The following CLNK variants were observed in gnomAD, a reference collection of about 807,000 sequenced individuals.
CLNK encodes the protein cytokine-dependent hematopoietic cell linker.
A neutral mutation model predicts 68.6 loss-of-function variants in CLNK; 74 were observed. The ratio of observed to expected loss-of-function variants is 1.08; its 90% CI spans 0.89 to 1.31. The LOEUF (loss-of-function observed/expected upper bound fraction) is 1.31. CLNK is among the 50% of genes most tolerant of loss of function. The pLI, the probability that CLNK is intolerant of heterozygous loss-of-function variation, is 0.00. For missense variants in CLNK, 553 were observed against 515.3 expected, an observed-to-expected ratio of 1.07 and a Z score of -0.71; for synonymous variants, 198 against 172.2, an observed-to-expected ratio of 1.15 and a Z score of -1.17.
At chr4:10,580,920 T>C (rs928441662) in intron 4 of CLNK, among the ~76,000 whole-genome samples, 1 of 152,198 alleles carries the variant, frequency 6.6e-6, no homozygotes, top group African/African-American at 2.4e-5. Flanking sequence ...ACGGTGATGA[T>C]CAAGCCTTCG....
chr4:10,590,994 G>C (rs376591470), intron 3 of CLNK, among the ~76,000 whole-genome samples: 1 of 152,306 alleles, frequency 6.6e-6, no homozygotes, highest in African/African-American at 2.4e-5. Context: ...CCTCTTGGGA[G>C]TGCCACCGAG....
At chr4:10,714,326 TA>T in the CLNK span, among the ~76,000 whole-genome samples, 2 of 152,220 alleles carry the variant, frequency 1.3e-5, no homozygotes, top group Non-Finnish European at 2.9e-5. Flanking sequence ...GGGAAATAAC[TA>T]CCCTCCATGA....
intron 4 of CLNK, among the ~76,000 whole-genome samples, chr4:10,578,821 C>T (rs1330433966): frequency 2.0e-5 from 3 of 152,194 alleles, no homozygotes; most frequent in South Asian, 4.2e-4. Context: ...ATCCACCTGC[C>T]TCAGCCTCCC....
chr4:10,564,705 TG>T lies in CLNK; in HGVS notation c.364del (p.Gln122SerfsTer32). The T allele has an allele frequency of 6.2e-7, 1 of 1,613,666 alleles. No individual in the cohort carries two copies. On this transcript the variant is annotated frameshift_variant, in exon 7 of 19. Transcript: ENST00000226951. LOFTEE classifies it high-confidence loss of function. The stretch of plus-strand genomic sequence containing the variant: ...CCTCGTCTGTGTGTTCCAGGTCGGC[TG>T]TCCAATGGAGATAGAGGTCCTGGTG... ...LDTRTSISIGQPTWNTQTRLE... is the reference protein window; with the variant it reads ...LDTRTSISIGXPTWNTQTRLE...
At chr4:10,621,317 T>C in intron 2 of CLNK, among the ~76,000 whole-genome samples, 1 of 152,302 alleles carries the variant, frequency 6.6e-6, no homozygotes, top group East Asian at 1.9e-4. Flanking sequence ...TGTATTTTAT[T>C]TGTCTTCTAA....
At chr4:10,627,323 C>A (rs1703786893) in intron 2 of CLNK, among the ~76,000 whole-genome samples, 1 of 152,170 alleles carries the variant, frequency 6.6e-6, no homozygotes, top group African/African-American at 2.4e-5. Context: ...TGCACCAGGA[C>A]TTTAGAGCCT....
At chr4:10,609,025 G>C (rs1721901736) in intron 2 of CLNK, among the ~76,000 whole-genome samples, 1 of 152,196 alleles carries the variant, frequency 6.6e-6, no homozygotes, top group African/African-American at 2.4e-5. Context: ...ATCATTGGTA[G>C]TTGGAATTTT....
At chr4:10,682,639 G>A (rs925016770) in intron 1 of CLNK, among the ~76,000 whole-genome samples, 2 of 152,062 alleles carry the variant, frequency 1.3e-5, no homozygotes, top group South Asian at 2.1e-4. Flanking sequence ...ACCTAAAGAC[G>A]AACAGTAAAG....
chr4:10,501,259 A>G lies in CLNK; in HGVS notation c.1137T>C (p.Asp379=). 6.4e-7 allele frequency: 1 copy of G among 1,570,262 alleles called. No homozygotes were observed. The highest frequency in any genetic ancestry group is 8.6e-7 in the Non-Finnish European group (1 of 1,166,040). Residue 379 remains aspartate (D), a synonymous_variant, in exon 18 of 19, where the codon GAT becomes GAC. Coordinates refer to ENST00000226951, the MANE Select transcript of CLNK (RefSeq NM_052964.4). ...GAGGCTGTTAAGTTATACCCACCTC[A>G]TCTCCTCTGAGTCCTGTCCCCAGGG... The part of the protein sequence containing the change: ...QFALGTGLRG[D]EKFDSVEDII...
At chr4:10,577,801 G>A (rs986961023) in intron 4 of CLNK, among the ~76,000 whole-genome samples, 4 of 152,056 alleles carry the variant, frequency 2.6e-5, no homozygotes, top group South Asian at 4.2e-4. Context: ...AAAAATAAAC[G>A]TCTATCGTGT....
chr4:10,597,445 A>G (rs974289196), intron 3 of CLNK, among the ~76,000 whole-genome samples: 3 of 152,222 alleles, frequency 2.0e-5, no homozygotes, highest in Admixed American at 6.5e-5. Flanking sequence ...CTTTTTGACT[A>G]GTCTGCGAGC....
At chr4:10,660,081 C>G (rs998431994) in intron 2 of CLNK, among the ~76,000 whole-genome samples, 11 of 152,232 alleles carry the variant, frequency 7.2e-5, no homozygotes, top group Admixed American at 3.9e-4. Context: ...TTTTTATAAT[C>G]AAATACTATT....
chr4:10,558,362 A>G (rs1480061833), intron 8 of CLNK, 45 bp downstream of exon 8: 11 of 1,544,030 alleles, frequency 7.1e-6, no homozygotes, highest in South Asian at 3.4e-5. Flanking sequence ...AGCAAAATAG[A>G]TGTTTTCATA....
At chr4:10,504,172 G>C (rs1717185598) in intron 17 of CLNK, among the ~76,000 whole-genome samples, 1 of 130,350 alleles carries the variant, frequency 7.7e-6, no homozygotes, top group African/African-American at 2.9e-5. Flanking sequence ...CCAGGTTGGA[G>C]TGCAGTGGCT....
At chr4:10,633,051 T>C (rs1226606551) in intron 2 of CLNK, among the ~76,000 whole-genome samples, 1 of 152,154 alleles carries the variant, frequency 6.6e-6, no homozygotes, top group African/African-American at 2.4e-5. Context: ...AATTCTCCTG[T>C]CTCAGCCTCC....
intron 8 of CLNK, among the ~76,000 whole-genome samples, chr4:10,557,750 A>T (rs1719734235): frequency 1.3e-5 from 2 of 152,228 alleles, no homozygotes; most frequent in African/African-American, 4.8e-5. Flanking sequence ...GTAATACATT[A>T]TAGATGATAG....
intron 1 of CLNK, among the ~76,000 whole-genome samples, chr4:10,674,024 A>G (rs1028839292): frequency 4.6e-5 from 7 of 152,226 alleles, no homozygotes; most frequent in African/African-American, 1.7e-4. Flanking sequence ...TCTCTGTCAA[A>G]GGAATGACAC....
chr4:10,615,103 T>G (rs1440633198), intron 2 of CLNK, among the ~76,000 whole-genome samples: 1 of 152,118 alleles, frequency 6.6e-6, no homozygotes, highest in Non-Finnish European at 1.5e-5. Context: ...GGAGAATTGC[T>G]TGGACCCAGA....
chr4:10,553,965 C>T (rs1456399492), intron 8 of CLNK, among the ~76,000 whole-genome samples: 2 of 152,134 alleles, frequency 1.3e-5, no homozygotes, highest in African/African-American at 4.8e-5. Flanking sequence ...GGTGGTGAGG[C>T]TCTTGGGCCA....
Sources: gnomAD v4.1 joint callset for allele counts (sites outside exome capture counted in the v4.1 genomes callset) on GRCh38, gnomAD v4.1.1 for gene constraint, MANE v1.5 for transcripts, NCBI Gene and HGNC (gene_info 2026-07-23, HGNC 2026-07-21) for gene names.